The following PRKD3 variants were observed in gnomAD, a reference collection of about 807,000 sequenced individuals.
PRKD3 encodes the protein protein kinase D3.
PRKD3 carries 47 observed loss-of-function variants against 99.2 expected under a neutral mutation model. The observed-to-expected ratio is 0.47, with a 90% CI of 0.38 to 0.60. The LOEUF is 0.60. Among genes scored for constraint, PRKD3 ranks in the 20% least tolerant of loss-of-function variants. The probability of loss-of-function intolerance (pLI) is 0.00; values close to 1 mark genes in which losing one functional copy is unlikely to be tolerated. For synonymous variants in PRKD3, 392 were observed against 355.4 expected (o/e 1.10, Z -1.16); for missense variants, 1,019 against 1,088.4 (o/e 0.94, Z 0.90).
chr2:37,259,570 G>C lies in PRKD3; in HGVS notation c.2145+13C>G. On this transcript the variant is annotated intron_variant, in intron 16 of 18. Coordinates refer to ENST00000234179, the MANE Select transcript of PRKD3 (RefSeq NM_005813.6). ...TGCCAGAATCATTTAAAAGGTTCTG[G>C]AGAATATCTCACCTGAGGAAATGGC... is the stretch of plus-strand genomic sequence containing the variant. 1 of 1,590,698 alleles carries C rather than the reference G, an allele frequency of 6.3e-7. No homozygotes were observed. Among genetic ancestry groups the C allele is most frequent in the Non-Finnish European group, 8.6e-7 (1 of 1,160,082 alleles).
At chr2:37,305,675 GT>G in intron 2 of PRKD3, among the ~76,000 whole-genome samples, 1 of 152,178 alleles carries the variant, frequency 6.6e-6, no homozygotes, top group Non-Finnish European at 1.5e-5. Flanking sequence ...GTTTTTTATA[GT>G]TTTTTTATAC....
intron 16 of PRKD3, among the ~76,000 whole-genome samples, chr2:37,257,671 GAAAAAAAA>G (rs1164110574): frequency 4.9e-4 from 14 of 28,540 alleles, no homozygotes; most frequent in Non-Finnish European, 8.1e-4. Context: ...TGTCTCAAAA[GAAAAAAAA>G]AAAAAAAAAA....
At chr2:37,279,605 T>G in intron 8 of PRKD3, 141 bp downstream of exon 8, 1 of 505,652 alleles carries the variant, frequency 2.0e-6, no homozygotes, top group Non-Finnish European at 3.3e-6. Flanking sequence ...AATACTACAT[T>G]GCATGTAAAA....
Position 37,289,444 on chromosome 2 carries a change from C to G in PRKD3, c.629G>C (p.Arg210Thr), listed in dbSNP as rs753893260. 9.3e-6 allele frequency: 15 copies of G among 1,613,630 alleles called. No homozygotes were observed. In the South Asian group the frequency reaches 1.3e-4, roughly 14 times the overall value. Reference sequence around the variant, plus strand: ...TGGTAAAGATACATTTGACAGACGTCTCTTTCTTACTCCACTACAGTTATT... The same window carrying G: ...TGGTAAAGATACATTTGACAGACGTGTCTTTCTTACTCCACTACAGTTATT... Reference protein sequence around the residue: ...IPNNCSGVRKRRLSNVSLPGP... With the variant: ...IPNNCSGVRKTRLSNVSLPGP... The change falls in exon 5 of 19, where the codon AGA becomes ACA. Residue 210 changes from arginine to threonine, a missense_variant. Coordinates refer to ENST00000234179, the MANE Select transcript of PRKD3 (RefSeq NM_005813.6).
In PRKD3 at chr2:37,250,847, C is replaced by CTTCT. The variant is rs1667428182; in HGVS notation, c.*2326_*2329dup. ...CATTATCAAATGTTTCTAGCAATTACTTCTTTTACAAACACGACTTAAAGA... is the reference window on the plus strand; with the variant it reads ...CATTATCAAATGTTTCTAGCAATTACTTCTTTCTTTTACAAACACGACTTAAAGA... On this transcript the variant is annotated 3_prime_UTR_variant, in exon 19 of 19. Transcript: ENST00000234179. 1 of 152,576 alleles carries CTTCT rather than the reference C, an allele frequency of 6.6e-6. No individual in the cohort carries two copies. The highest frequency in any genetic ancestry group is 1.5e-5 in the Non-Finnish European group (1 of 68,012). 9.5% of individuals were successfully genotyped at this position (152,576 alleles called of 1,614,324 possible). A position where few individuals can be genotyped will look rare whatever the true frequency, so the allele number is the denominator to read the frequency against.
At chr2:37,256,954 T>G in intron 16 of PRKD3, 25 bp from the exon 17 acceptor site, 2 of 1,612,984 alleles carry the variant, frequency 1.2e-6, no homozygotes, top group Non-Finnish European at 1.7e-6. Flanking sequence ...ATGATGTTAA[T>G]TTTGTATTAT....
intron 2 of PRKD3, among the ~76,000 whole-genome samples, chr2:37,307,334 A>G (rs980608043): frequency 6.6e-6 from 1 of 152,238 alleles, no homozygotes; most frequent in Non-Finnish European, 1.5e-5. Flanking sequence ...AAAATTTCAG[A>G]GCATTCTAGA....
At chr2:37,301,069 T>C (rs1375277694) in intron 2 of PRKD3, among the ~76,000 whole-genome samples, 1 of 152,248 alleles carries the variant, frequency 6.6e-6, no homozygotes, top group Non-Finnish European at 1.5e-5. Context: ...TAAGTGAATC[T>C]GTATTTTCTT....
At chr2:37,274,782 T>G (rs556793720) in intron 10 of PRKD3, 85 bp from the exon 11 acceptor site, 2 of 1,274,754 alleles carry the variant, frequency 1.6e-6, no homozygotes, top group African/African-American at 1.5e-5. Context: ...AGATATGCAT[T>G]TCAATGAATG....
intron 2 of PRKD3, among the ~76,000 whole-genome samples, chr2:37,309,197 C>G (rs1427750591): frequency 6.6e-6 from 1 of 151,510 alleles, no homozygotes; most frequent in African/African-American, 2.4e-5. Context: ...TTGGACTTAC[C>G]CGTTTCTTAA....
At chr2:37,300,868 T>C (rs1558569578) in intron 2 of PRKD3, among the ~76,000 whole-genome samples, 1 of 152,236 alleles carries the variant, frequency 6.6e-6, no homozygotes. Flanking sequence ...TTGTAGATAC[T>C]GCCAAATTGC....
intron 15 of PRKD3, among the ~76,000 whole-genome samples, 178 bp downstream of exon 15, chr2:37,260,045 A>G (rs1668292560): frequency 2.0e-5 from 3 of 152,064 alleles, no homozygotes; most frequent in Admixed American, 2.0e-4. Flanking sequence ...CACATCTGCA[A>G]TCCTAGATAC....
rs1052354706 is a variant in PRKD3 at position 37,252,937 on chromosome 2, T to G, written c.*240A>C. The G allele has an allele frequency of 1.6e-5, 5 of 309,458 alleles. No homozygotes were observed. The highest frequency in any genetic ancestry group is 1.1e-4 in the African/African-American group (5 of 46,412). The allele number at this position is 309,458 out of a possible 1,614,324, so 19.2% of individuals were successfully genotyped here. ...GGATTAAGAAAAAATACAAAACCAG[T>G]TATTGCTTAGGCTAAAAAAGTTTAT... On this transcript the variant is annotated 3_prime_UTR_variant, in exon 19 of 19. Coordinates refer to ENST00000234179, the MANE Select transcript of PRKD3 (RefSeq NM_005813.6).
intron 2 of PRKD3, among the ~76,000 whole-genome samples, chr2:37,301,574 T>C (rs1275982031): frequency 2.6e-5 from 4 of 152,064 alleles, no homozygotes; most frequent in Non-Finnish European, 4.4e-5. Context: ...GCTGAGATTA[T>C]AGGCACGAGT....
chr2:37,256,681 C>A lies in PRKD3; in HGVS notation c.2394G>T (p.Trp798Cys). The change falls in exon 17 of 19, where the codon TGG (tryptophan) becomes TGT (cysteine). Residue 798 changes from tryptophan (W) to cysteine (C), a missense_variant. By Grantham distance (215) the Trp-to-Cys change is radical (BLOSUM62 -2). This residue lies in a region of PRKD3 where 125 missense variants were observed against 120.6 expected (regional missense o/e 1.04). Coordinates refer to ENST00000234179, the MANE Select transcript of PRKD3 (RefSeq NM_005813.6). Reference protein sequence around the residue: ...NAAFMYPPNPWREISGEAIDL... With the variant: ...NAAFMYPPNPCREISGEAIDL... ...TTTTACCTTCACCAGAAATTTCTCT[C>A]CATGGATTTGGTGGGTACATAAATG... 2 of 1,159,718 alleles carry A rather than the reference C, an allele frequency of 1.7e-6. No individual in the cohort carries two copies. Among genetic ancestry groups the A allele is most frequent in the Non-Finnish European group, 2.4e-6 (2 of 824,018 alleles). 71.8% of individuals were successfully genotyped at this position (1,159,718 alleles called of 1,614,324 possible). A position where few individuals can be genotyped will look rare whatever the true frequency, so the allele number is the denominator to read the frequency against.
At chr2:37,296,965 C>T (rs1670703887) in intron 2 of PRKD3, among the ~76,000 whole-genome samples, 2 of 147,504 alleles carry the variant, frequency 1.4e-5, no homozygotes, top group South Asian at 2.1e-4. Flanking sequence ...ATTCTTGAGA[C>T]GTGTATATTA....
chr2:37,256,531 T>C lies in PRKD3; in HGVS notation c.2413+131A>G, dbSNP rs1489449114. 4 of 1,204,878 alleles carry C rather than the reference T, an allele frequency of 3.3e-6. No homozygotes were observed. The Admixed American group carries it at 1.2e-4, about 36-fold the overall frequency. 74.6% of individuals were successfully genotyped at this position (1,204,878 alleles called of 1,614,324 possible). On this transcript the variant is annotated intron_variant, in intron 17 of 18. Coordinates refer to ENST00000234179, the MANE Select transcript of PRKD3 (RefSeq NM_005813.6). ...TCAAAAAACTGGTAACTAGTTGAAT[T>C]TGGAAGATGAATGGGAGATGTACTA...
At chr2:37,307,384 C>G (rs974772148) in intron 2 of PRKD3, among the ~76,000 whole-genome samples, 9 of 152,170 alleles carry the variant, frequency 5.9e-5, no homozygotes, top group African/African-American at 2.2e-4. Flanking sequence ...GAAAAACAAG[C>G]TCTACAAACT....
At chr2:37,308,713 C>T (rs1275740635) in intron 2 of PRKD3, among the ~76,000 whole-genome samples, 1 of 152,266 alleles carries the variant, frequency 6.6e-6, no homozygotes, top group Non-Finnish European at 1.5e-5. Flanking sequence ...CCTCAGCCTC[C>T]CAAAGTGCTA....
Sources: gnomAD v4.1 joint callset for allele counts (sites outside exome capture counted in the v4.1 genomes callset) on GRCh38, gnomAD v4.1.1 for gene constraint, gnomAD v4.1.1 regional missense constraint, MANE v1.5 for transcripts, NCBI Gene and HGNC (gene_info 2026-07-23, HGNC 2026-07-21) for gene names.